The following SYNE2 variants were observed in gnomAD, a reference collection of about 807,000 sequenced individuals.
SYNE2 encodes the protein nesprin-2.
SYNE2 carries 431 observed loss-of-function variants against 856.3 expected under a neutral mutation model. The ratio of observed to expected loss-of-function variants is 0.50; its 90% confidence interval spans 0.47 to 0.55. SYNE2 has a LOEUF of 0.55. Ranked by LOEUF, SYNE2 falls within the 20% of genes least tolerant of loss-of-function variation. The pLI is 0.00. For missense variants in SYNE2, 8,129 were observed against 8,023.2 expected (o/e 1.01, Z -0.50); for synonymous variants, 2,923 against 2,872.3 (o/e 1.02, Z -0.56).
intron 1 of SYNE2, among the ~76,000 whole-genome samples, chr14:63,871,067 G>A (rs1229524648): frequency 4.6e-5 from 7 of 151,974 alleles, no homozygotes; most frequent in African/African-American, 1.7e-4. Flanking sequence ...GGTTAAATAA[G>A]ACCAAGTATC....
chr14:64,034,116 T>G (rs1410289823), intron 45 of SYNE2, among the ~76,000 whole-genome samples: 1 of 152,348 alleles, frequency 6.6e-6, no homozygotes, highest in Non-Finnish European at 1.5e-5. Flanking sequence ...ACATGTATAA[T>G]GTGACAAATG....
chr14:63,976,963 C>T (rs1595991860), intron 12 of SYNE2, among the ~76,000 whole-genome samples: 1 of 137,980 alleles, frequency 7.2e-6, no homozygotes, highest in African/African-American at 2.7e-5. Flanking sequence ...AGTTCTAAAG[C>T]AACTATAAAT....
In SYNE2 at chr14:64,025,016, C is replaced by T. The variant is rs780617188; in HGVS notation, c.5945C>T (p.Ala1982Val). ...GAGAAAACTGAGCTGTTCTGCCAAG[C>T]TTTAGCTAGAAAGAGGTATAGCTGA... ...PGEKTELFCQ[A>V]LARKREQFES... Residue 1982 changes from alanine to valine, a missense_variant, in exon 40 of 116, where the codon GCT becomes GTT. Physicochemically the swap from Ala to Val is moderately conservative, Grantham distance 64. Transcript: ENST00000555002. 5.6e-6 allele frequency: 9 copies of T among 1,614,014 alleles called. No individual in the cohort carries two copies. Among genetic ancestry groups the T allele is most frequent in the Non-Finnish European group, 7.6e-6 (9 of 1,179,950 alleles).
chr14:64,010,251 A>G, intron 32 of SYNE2, 135 bp downstream of exon 32: 3 of 992,680 alleles, frequency 3.0e-6, no homozygotes. Context: ...TTTACCAGGT[A>G]TCTAAAAATT....
intron 2 of SYNE2, among the ~76,000 whole-genome samples, chr14:63,940,307 C>T (rs778454086): frequency 6.6e-6 from 1 of 152,242 alleles, no homozygotes; most frequent in Middle Eastern, 3.4e-3. Flanking sequence ...CTGCTTACCT[C>T]GGCCTCCCAA....
chr14:63,827,992 A>C (rs1340091985), intron 1 of SYNE2, among the ~76,000 whole-genome samples: 3 of 150,298 alleles, frequency 2.0e-5, no homozygotes, highest in African/African-American at 7.4e-5. Flanking sequence ...CAAGTGTTTG[A>C]GACCAGCCTG....
At chr14:63,974,851 CATGTGTGTGTGTGTGTGT>C (rs2096522661) in intron 11 of SYNE2, among the ~76,000 whole-genome samples, 16 of 52,812 alleles carry the variant, frequency 3.0e-4, no homozygotes, top group South Asian at 8.1e-4. Context: ...TGTGTGTGTA[CATGTGTGTGTGTGTGTGT>C]GTGTGTGTGT....
At chr14:63,858,262 C>CTTTTTTTT (rs61091259) in intron 1 of SYNE2, among the ~76,000 whole-genome samples, 35 of 52,934 alleles carry the variant, frequency 6.6e-4, no homozygotes, top group East Asian at 2.7e-3. Context: ...CCACACCGGC[C>CTTTTTTTT]TTTTTTTTTT....
intron 9 of SYNE2, 43 bp from the exon 10 acceptor site, chr14:63,963,856 G>T (rs1167652742): frequency 1.0e-5 from 15 of 1,458,014 alleles, no homozygotes; most frequent in Non-Finnish European, 1.4e-5. Flanking sequence ...AAAAAACCAA[G>T]CCCGTTTAAA....
chr14:63,886,041 A>G (rs370892227), intron 1 of SYNE2, among the ~76,000 whole-genome samples: 5 of 152,252 alleles, frequency 3.3e-5, no homozygotes, highest in Admixed American at 6.5e-5. Context: ...TTGTTGTTTT[A>G]TAGTAGAATG....
intron 103 of SYNE2, 77 bp from the exon 104 acceptor site, chr14:64,211,884 C>T (rs2098643193): frequency 5.0e-6 from 8 of 1,605,988 alleles, no homozygotes; most frequent in South Asian, 1.1e-5. Context: ...TTTCTTGTGG[C>T]CGAAGGTGGC....
chr14:64,220,866 G>A (rs1392598448), intron 111 of SYNE2, among the ~76,000 whole-genome samples: 2 of 152,166 alleles, frequency 1.3e-5, no homozygotes, highest in African/African-American at 4.8e-5. Context: ...CACTCCTGGA[G>A]TCAGGGTTCC....
At chr14:64,225,133 T>C in intron 115 of SYNE2, 88 bp downstream of exon 115, 1 of 1,567,496 alleles carries the variant, frequency 6.4e-7, no homozygotes, top group Non-Finnish European at 8.8e-7. Flanking sequence ...TCAAGGTCCT[T>C]GCAAAAATCT....
rs2098057897 is a variant in SYNE2 at position 64,134,129 on chromosome 14, T to C, written c.14575T>C (p.Ser4859Pro). The C allele has an allele frequency of 3.1e-6, 5 of 1,614,016 alleles. No individual in the cohort carries two copies. Among genetic ancestry groups the C allele is most frequent in the Non-Finnish European group, 4.2e-6 (5 of 1,179,862 alleles). ...SLEKDLEILI[S>P]TLPSVSLVEE... Reference sequence around the variant, plus strand: ...TGAAAAGGACCTGGAAATTCTTATATCTACATTGCCCTCTGTGAGTTTGGT... The same window carrying C: ...TGAAAAGGACCTGGAAATTCTTATACCTACATTGCCCTCTGTGAGTTTGGT... Residue 4859 changes from serine (S) to proline (P), a missense_variant, in exon 78 of 116, where the codon TCT (serine) becomes CCT (proline). Physicochemically the swap from Ser to Pro is moderately conservative, Grantham distance 74. Transcript: ENST00000555002.
intron 46 of SYNE2, chr14:64,048,398 TAGTG>T (rs1232842367): frequency 6.2e-6 from 2 of 320,678 alleles, no homozygotes; most frequent in Non-Finnish European, 1.1e-5. Context: ...CCTAAAGACT[TAGTG>T]AGAAAATTTG....
intron 70 of SYNE2, among the ~76,000 whole-genome samples, chr14:64,123,577 T>G (rs894559697): frequency 6.6e-6 from 1 of 152,180 alleles, no homozygotes; most frequent in African/African-American, 2.4e-5. Context: ...CTCCACTCAT[T>G]ATTAGTTCTT....
chr14:64,201,429 C>G (rs1388403988), intron 99 of SYNE2, among the ~76,000 whole-genome samples: 1 of 152,156 alleles, frequency 6.6e-6, no homozygotes, highest in Non-Finnish European at 1.5e-5. Context: ...GTGAGTGCGG[C>G]GGAAACTGGC....
chr14:64,130,054 C>T lies in SYNE2; in HGVS notation c.14146C>T (p.Leu4716Phe), dbSNP rs150956005. ...LQEVYKLEDV[L>F]DSMWGMLRAR... ...CCTGCTCTTCTCTTTTCAGGATGTA[C>T]TTGACAGTATGTGGGGAATGCTAAG... The change falls in exon 76 of 116, where the codon CTT becomes TTT. Residue 4716 changes from leucine to phenylalanine, a missense_variant. Leu to Phe is a conservative substitution (Grantham distance 22, BLOSUM62 0). Transcript: ENST00000555002. The T allele has an allele frequency of 6.2e-6, 10 of 1,613,622 alleles. No individual in the cohort carries two copies. Among genetic ancestry groups the T allele is most frequent in the Non-Finnish European group, 8.5e-6 (10 of 1,180,030 alleles).
At chr14:64,132,875 C>A (rs80093852) in intron 77 of SYNE2, among the ~76,000 whole-genome samples, 10 of 152,072 alleles carry the variant, frequency 6.6e-5, no homozygotes, top group Non-Finnish European at 1.5e-4. Flanking sequence ...CCCCTCACAC[C>A]TTTCATAGCC....
Sources: allele counts gnomAD v4.1 joint callset (sites outside exome capture counted in the v4.1 genomes callset), GRCh38; gene constraint gnomAD v4.1.1; transcripts MANE v1.5; gene names NCBI Gene and HGNC (gene_info 2026-07-23, HGNC 2026-07-21).